DUSP1: variants seen among roughly 807,000 people sequenced by gnomAD.
DUSP1 encodes dual specificity protein phosphatase 1.
A neutral mutation model predicts 27.4 loss-of-function variants in DUSP1; 10 were observed. The ratio of observed to expected loss-of-function variants is 0.37; its 90% CI spans 0.23 to 0.62. The LOEUF (loss-of-function observed/expected upper bound fraction) is 0.62. DUSP1 is among the 20% of genes least tolerant of loss of function. The probability of loss-of-function intolerance (pLI) is 0.68; values close to 1 mark genes in which losing one functional copy is unlikely to be tolerated. For missense variants in DUSP1, 425 were observed against 508.1 expected (o/e 0.84, Z 1.57); for synonymous variants, 262 against 223.6 (o/e 1.17, Z -1.53).
chr5:172,770,295 C>T lies in DUSP1; in HGVS notation c.379G>A (p.Ala127Thr). The T allele has an allele frequency of 1.9e-6, 3 of 1,611,424 alleles. No homozygotes were observed. The highest frequency in any genetic ancestry group is 2.5e-6 in the Non-Finnish European group (3 of 1,178,976). Residue 127 changes from alanine (A) to threonine (T), a missense_variant, in exon 2 of 4, where the codon GCG becomes ACG. Ala to Thr is a moderately conservative substitution (Grantham distance 58). This residue lies in a region of DUSP1 where 282 missense variants were observed against 319.3 expected (regional missense o/e 0.88). Coordinates refer to ENST00000239223, the MANE Select transcript of DUSP1 (RefSeq NM_004417.4). Reference sequence around the variant, plus strand: ...AGCTCCGGGCAGGAAGCCGAAAACGCTTCGTATCCTCCTGGGAATACAAAG... The same window carrying T: ...AGCTCCGGGCAGGAAGCCGAAAACGTTTCGTATCCTCCTGGGAATACAAAG... Reference protein sequence around the residue: ...QVFFLKGGYEAFSASCPELCS... With the variant: ...QVFFLKGGYETFSASCPELCS...
In DUSP1 at chr5:172,770,176, G is replaced by A. The variant is rs753435778; in HGVS notation, c.498C>T (p.Thr166=). 4 of 1,584,938 alleles carry A rather than the reference G, an allele frequency of 2.5e-6. No individual in the cohort carries two copies. Among genetic ancestry groups the A allele is most frequent in the African/African-American group, 2.7e-5 (2 of 73,018 alleles). The change falls in exon 2 of 4, where the codon ACC becomes ACT. Residue 166 remains threonine (T), a synonymous_variant. Coordinates refer to ENST00000239223, the MANE Select transcript of DUSP1 (RefSeq NM_004417.4). ...SAESGCSSCS[T]PLYDQGGPVE... The stretch of plus-strand genomic sequence containing the variant: ...ACCTACTAACCTGATCGTAGAGTGG[G>A]GTACTGCAGGAACTGCACCCAGATT...
rs767344846 is a variant in DUSP1 at position 172,770,615 on chromosome 5, G to T, written c.338C>A (p.Ala113Glu). Reference sequence around the variant, plus strand: ...GAGGAAGAAGACTTGCGCGGCGCGCGCCTCGCGGCAGAGCGCGCCGGCCGC... The same window carrying T: ...GAGGAAGAAGACTTGCGCGGCGCGCTCCTCGCGGCAGAGCGCGCCGGCCGC... ...ALAAGALCRE[A>E]RAAQVFFLKG... is the part of the protein sequence containing the mutation. The change falls in exon 1 of 4, where the codon GCG becomes GAG. Residue 113 changes from alanine to glutamate, a missense_variant. By Grantham distance (107) the Ala-to-Glu change is moderately radical (BLOSUM62 -1). Around this residue, in one of 3 missense-constraint regions of DUSP1, gnomAD observed 282 missense variants for 319.3 expected, o/e 0.88. Coordinates refer to ENST00000239223, the MANE Select transcript of DUSP1 (RefSeq NM_004417.4). 8 of 1,338,210 alleles carry T rather than the reference G, an allele frequency of 6.0e-6. No individual in the cohort carries two copies. The Admixed American group carries it at 1.7e-4, about 28-fold the overall frequency. The allele number at this position is 1,338,210 out of a possible 1,614,324, so 82.9% of individuals were successfully genotyped here.
chr5:172,768,855 G>C lies in DUSP1; in HGVS notation c.1011C>G (p.Thr337=). The C allele has an allele frequency of 2.5e-6, 4 of 1,606,236 alleles. No homozygotes were observed. The highest frequency in any genetic ancestry group is 3.4e-6 in the Non-Finnish European group (4 of 1,175,374). The change falls in exon 4 of 4, where the codon ACC becomes ACG. Residue 337 remains threonine (T), a synonymous_variant. Transcript: ENST00000239223. The part of the protein sequence containing the change: ...AVLDRGTSTT[T]VFNFPVSIPV... ...GGATGGAGACGGGGAAGTTGAACAC[G>C]GTGGTGGTGGAGGTGCCTCGGTCGA...
At chr5:172,770,492 G>T in intron 1 of DUSP1, 94 bp downstream of exon 1, 1 of 1,479,742 alleles carries the variant, frequency 6.8e-7, no homozygotes, top group Non-Finnish European at 8.8e-7. Context: ...CCCACGCGCT[G>T]CAGGTGGGGC....
Position 172,770,847 on chromosome 5 carries a change from T to G in DUSP1, c.106A>C (p.Asn36His). The change falls in exon 1 of 4, where the codon AAC becomes CAC. Residue 36 changes from asparagine to histidine, a missense_variant. By Grantham distance (68) the Asn-to-His change is moderately conservative (BLOSUM62 1). Transcript: ENST00000239223. The stretch of plus-strand genomic sequence containing the variant: ...ACAGAGCCGGCGATGTGGCCGGCGT[T>G]GAAAGCGAAGAAGGAGCGGCAGTCC... ...LLDCRSFFAF[N>H]AGHIAGSVNV... is the part of the protein sequence containing the mutation. 9 of 1,529,398 alleles carry G rather than the reference T, an allele frequency of 5.9e-6. No individual in the cohort carries two copies. The highest frequency in any genetic ancestry group is 7.9e-6 in the Non-Finnish European group (9 of 1,143,240). The allele number at this position is 1,529,398 out of a possible 1,614,324, so 94.7% of individuals were successfully genotyped here.
At position 172,768,891 on chromosome 5, in the gene DUSP1, G is replaced by A; in HGVS notation, c.975C>T (p.Ala325=). ...AGGTGCCTCGGTCGAGCACAGCCAT[G>A]GCGGGGCTCCCAGCCTCTGCCGAAC... ...PHCSAEAGSP[A]MAVLDRGTST... Residue 325 remains alanine, a synonymous_variant, in exon 4 of 4, where the codon GCC becomes GCT. Transcript: ENST00000239223. 1 of 1,613,094 alleles carries A rather than the reference G, an allele frequency of 6.2e-7. No individual in the cohort carries two copies. Among genetic ancestry groups the A allele is most frequent in the Non-Finnish European group, 8.5e-7 (1 of 1,179,314 alleles).
rs2113422180 is a variant in DUSP1 at position 172,768,658 on chromosome 5, A to G, written c.*104T>C. 1 of 1,380,282 alleles carries G rather than the reference A, an allele frequency of 7.2e-7. No individual in the cohort carries two copies. The highest frequency in any genetic ancestry group is 1.5e-5 in the African/African-American group (1 of 68,136). 85.5% of individuals were successfully genotyped at this position (1,380,282 alleles called of 1,614,324 possible). On this transcript the variant is annotated 3_prime_UTR_variant, in exon 4 of 4. Transcript: ENST00000239223. ...GAGGAACTCGGGTGAAGTTAAATAAATAAGGACCAGCCCTCTCGAGCCCCT... is the reference window on the plus strand; with the variant it reads ...GAGGAACTCGGGTGAAGTTAAATAAGTAAGGACCAGCCCTCTCGAGCCCCT...
chr5:172,769,336 T>A (rs1759844133), intron 3 of DUSP1, among the ~76,000 whole-genome samples: 1 of 152,204 alleles, frequency 6.6e-6, no homozygotes, highest in Non-Finnish European at 1.5e-5. Flanking sequence ...ACTGGGGATT[T>A]CCACTTAGCA....
At chr5:172,770,386 G>T in intron 1 of DUSP1, 80 bp from the exon 2 acceptor site, 1 of 1,581,458 alleles carries the variant, frequency 6.3e-7, no homozygotes, top group South Asian at 1.2e-5. Context: ...CACCCACCAA[G>T]GGCTGGAAGT....
At chr5:172,770,509 C>T in intron 1 of DUSP1, 77 bp downstream of exon 1, 1 of 1,466,822 alleles carries the variant, frequency 6.8e-7, no homozygotes, top group Non-Finnish European at 8.9e-7. Flanking sequence ...GGGCGATCCC[C>T]CGGGAGCCGA....
intron 3 of DUSP1, 48 bp from the exon 4 acceptor site, chr5:172,769,180 A>AC: frequency 1.9e-6 from 3 of 1,560,784 alleles, no homozygotes; most frequent in Non-Finnish European, 8.6e-7. Flanking sequence ...CAGGAGAACC[A>AC]CCCCAAGCCC....
In DUSP1 at chr5:172,770,655, C is replaced by T. The variant is rs748723790; in HGVS notation, c.298G>A (p.Gly100Ser). 2.1e-5 allele frequency: 27 copies of T among 1,306,788 alleles called. No individual in the cohort carries two copies. The highest frequency in any genetic ancestry group is 2.6e-5 in the Non-Finnish European group (27 of 1,033,370). The allele number at this position is 1,306,788 out of a possible 1,614,324, so 80.9% of individuals were successfully genotyped here. The change falls in exon 1 of 4, where the codon GGC (glycine) becomes AGC (serine). Residue 100 changes from glycine to serine, a missense_variant. Around this residue, in one of 3 missense-constraint regions of DUSP1, gnomAD observed 282 missense variants for 319.3 expected, o/e 0.88. Transcript: ENST00000239223. The stretch of plus-strand genomic sequence containing the variant: ...GCGCCGGCCGCCAGGGCCAGGGTGC[C>T]GTCGCGCTTGGCGCCGTCCAGGGCG... ...SAALDGAKRD[G>S]TLALAAGALC...
Position 172,770,154 on chromosome 5 carries a change from T to A in DUSP1, c.513+7A>T, listed in dbSNP as rs1455983710. 1.9e-6 allele frequency: 3 copies of A among 1,572,838 alleles called. No homozygotes were observed. The highest frequency in any genetic ancestry group is 2.6e-6 in the Non-Finnish European group (3 of 1,164,008). On this transcript the variant is annotated splice_region_variant and intron_variant, in intron 2 of 3. Coordinates refer to ENST00000239223, the MANE Select transcript of DUSP1 (RefSeq NM_004417.4). ...ACTTCTTCCCTGTGGCAGGGACACC[T>A]ACTAACCTGATCGTAGAGTGGGGTA...
chr5:172,770,125 TCTTA>T (rs1759860806), intron 2 of DUSP1, 32 bp downstream of exon 2: 2 of 1,537,412 alleles, frequency 1.3e-6, no homozygotes, highest in East Asian at 4.5e-5. Context: ...CTTTGCCAGT[TCTTA>T]CTTCTTCCCT....
In DUSP1 at chr5:172,770,680, G is replaced by T; in HGVS notation, c.273C>A (p.Ala91=). Residue 91 remains alanine, a synonymous_variant, in exon 1 of 4, where the codon GCC becomes GCA. Coordinates refer to ENST00000239223, the MANE Select transcript of DUSP1 (RefSeq NM_004417.4). Reference sequence around the variant, plus strand: ...CGTCGCGCTTGGCGCCGTCCAGGGCGGCGCTGCGCTCGTCCAGCAACACCA... The same window carrying T: ...CGTCGCGCTTGGCGCCGTCCAGGGCTGCGCTGCGCTCGTCCAGCAACACCA... ...HAVVLLDERS[A]ALDGAKRDGT... 7.4e-7 allele frequency: 1 copy of T among 1,346,232 alleles called. No individual in the cohort carries two copies. The highest frequency in any genetic ancestry group is 1.8e-5 in the South Asian group (1 of 55,738). 83.4% of individuals were successfully genotyped at this position (1,346,232 alleles called of 1,614,324 possible). A position where few individuals can be genotyped will look rare whatever the true frequency, so the allele number is the denominator to read the frequency against.
chr5:172,769,785 C>G lies in DUSP1; in HGVS notation c.523G>C (p.Val175Leu). The G allele has an allele frequency of 6.2e-7, 1 of 1,613,780 alleles. No homozygotes were observed. The highest frequency in any genetic ancestry group is 8.5e-7 in the Non-Finnish European group (1 of 1,179,932). Reference sequence around the variant, plus strand: ...AGGTACAGAAAGGGCAGGATTTCCACCGGGCCACCCTGAAATCCAGAAATA... The same window carrying G: ...AGGTACAGAAAGGGCAGGATTTCCAGCGGGCCACCCTGAAATCCAGAAATA... The part of the protein sequence containing the change: ...STPLYDQGGP[V>L]EILPFLYLGS... The change falls in exon 3 of 4, where the codon GTG becomes CTG. Residue 175 changes from valine (V) to leucine (L), a missense_variant. Val to Leu is a conservative substitution (Grantham distance 32). Around this residue, in one of 3 missense-constraint regions of DUSP1, gnomAD observed 282 missense variants for 319.3 expected, o/e 0.88. Coordinates refer to ENST00000239223, the MANE Select transcript of DUSP1 (RefSeq NM_004417.4).
At chr5:172,770,350 G>GA (rs1278128227) in intron 1 of DUSP1, 44 bp from the exon 2 acceptor site, 1 of 1,608,450 alleles carries the variant, frequency 6.2e-7, no homozygotes, top group Non-Finnish European at 8.5e-7. Context: ...GTGACACCGG[G>GA]ACACGGCACC....
At chr5:172,770,028 G>A (rs1561676892) in intron 2 of DUSP1, 133 bp downstream of exon 2, 6 of 1,368,022 alleles carry the variant, frequency 4.4e-6, no homozygotes, top group Non-Finnish European at 4.9e-6. Flanking sequence ...ACTTAACTGT[G>A]GAATAAATCA....
rs188477923 is a variant in DUSP1 at position 172,770,329 on chromosome 5, T to C, written c.368-23A>G. The stretch of plus-strand genomic sequence containing the variant: ...CTCCTGGGAATACAAAGACATTTTT[T>C]TTCCCCATTAGTGACACCGGGACAC... On this transcript the variant is annotated intron_variant, in intron 1 of 3. Transcript: ENST00000239223. The C allele has an allele frequency of 2.3e-3, 3,703 of 1,610,648 alleles. 70 individuals carry two copies. Among genetic ancestry groups the C allele is most frequent in the South Asian group, 1.5e-3 (138 of 90,522 alleles).
Sources: allele counts gnomAD v4.1 joint callset (sites outside exome capture counted in the v4.1 genomes callset), GRCh38; gene constraint gnomAD v4.1.1; regional missense constraint gnomAD v4.1.1; transcripts MANE v1.5; gene names NCBI Gene and HGNC (gene_info 2026-07-23, HGNC 2026-07-21).